Variants in RHPN2 observed in about 807,000 individuals in gnomAD.
RHPN2 encodes rhophilin-2.
Under a neutral mutation model 79.0 loss-of-function variants are expected in RHPN2, and 40 were observed. The observed-to-expected ratio is 0.51, with a 90% CI of 0.39 to 0.66. The LOEUF is 0.66. RHPN2 is among the 30% of genes least tolerant of loss of function. The pLI, the probability that RHPN2 is intolerant of heterozygous loss-of-function variation, is 0.00. For synonymous variants in RHPN2, 285 were observed against 363.5 expected (o/e 0.78, Z 2.46); for missense variants, 686 against 883.5 (o/e 0.78, Z 2.83).
intron 2 of RHPN2, among the ~76,000 whole-genome samples, chr19:33,029,676 C>T (rs1485022982): frequency 1.3e-5 from 2 of 152,124 alleles, no homozygotes; most frequent in African/African-American, 4.8e-5. Context: ...AGCAGGTTGA[C>T]ATCCATAGGT....
In RHPN2 at chr19:33,004,970, C is replaced by G. The variant is rs1971778452; in HGVS notation, c.761-1970G>C. On this transcript the variant is annotated intron_variant, in intron 7 of 14. Coordinates refer to ENST00000254260, the MANE Select transcript of RHPN2 (RefSeq NM_033103.5). Reference sequence around the variant, plus strand: ...GAAACCAGCCTGCTCCCCACAACTCCTGTGTCACCTGGGACAAAATTCCAT... The same window carrying G: ...GAAACCAGCCTGCTCCCCACAACTCGTGTGTCACCTGGGACAAAATTCCAT... Among the ~76,000 whole-genome samples, 2 of 151,680 alleles carry G rather than the reference C, an allele frequency of 1.3e-5. 1 individual carries two copies. Among genetic ancestry groups the G allele is most frequent in the South Asian group, 4.2e-4 (2 of 4,814 alleles).
intron 4 of RHPN2, among the ~76,000 whole-genome samples, chr19:33,019,814 A>G (rs1971908624): frequency 6.6e-6 from 1 of 152,128 alleles, no homozygotes; most frequent in African/African-American, 2.4e-5. Context: ...ATTTCTTCAA[A>G]GCAATTTTCA....
chr19:32,991,456 C>G (rs1971659185), intron 13 of RHPN2: 1 of 304,392 alleles, frequency 3.3e-6, no homozygotes, highest in Non-Finnish European at 6.4e-6. Context: ...GAGACTGCGT[C>G]TCAAAAAACA....
At chr19:32,995,619 G>A (rs1971694145) in intron 11 of RHPN2, among the ~76,000 whole-genome samples, 1 of 152,072 alleles carries the variant, frequency 6.6e-6, no homozygotes, top group South Asian at 2.1e-4. Context: ...AGCACTTTGG[G>A]AGGCCAAGGC....
At chr19:33,012,856 T>C in intron 4 of RHPN2, 132 bp from the exon 5 acceptor site, 1 of 651,656 alleles carries the variant, frequency 1.5e-6, no homozygotes, top group Non-Finnish European at 2.8e-6. Flanking sequence ...ATTTTCAAAG[T>C]GGGGGAATTT....
intron 7 of RHPN2, 81 bp from the exon 8 acceptor site, chr19:33,003,081 G>A (rs763324788): frequency 7.0e-6 from 9 of 1,280,886 alleles, no homozygotes; most frequent in Admixed American, 1.9e-5. Flanking sequence ...ATAGGAGGCC[G>A]AGTGCGGTGG....
At chr19:33,034,156 C>G (rs1489820535) in intron 2 of RHPN2, among the ~76,000 whole-genome samples, 1 of 151,362 alleles carries the variant, frequency 6.6e-6, no homozygotes, top group Non-Finnish European at 1.5e-5. Context: ...TCGCGCCCGG[C>G]CTGGCAACAA....
chr19:32,999,896 G>A (rs769455567), intron 9 of RHPN2, among the ~76,000 whole-genome samples, 191 bp from the exon 10 acceptor site: 1 of 151,956 alleles, frequency 6.6e-6, no homozygotes, highest in Non-Finnish European at 1.5e-5. Context: ...TCTTTGAGAC[G>A]GTCTCACTCT....
chr19:33,002,586 G>A (rs1235054093), intron 8 of RHPN2, among the ~76,000 whole-genome samples, 183 bp from the exon 9 acceptor site: 1 of 152,166 alleles, frequency 6.6e-6, no homozygotes, highest in East Asian at 1.9e-4. Flanking sequence ...GGGGGATCAG[G>A]CTGCTGTCAT....
chr19:32,983,312 A>G (rs1292323891), intron 14 of RHPN2, among the ~76,000 whole-genome samples: 1 of 151,970 alleles, frequency 6.6e-6, no homozygotes, highest in Non-Finnish European at 1.5e-5. Flanking sequence ...GGAGATTGAG[A>G]CCATCGGGGC....
At chr19:33,025,842 C>A (rs1170299914) in intron 3 of RHPN2, among the ~76,000 whole-genome samples, 2 of 152,208 alleles carry the variant, frequency 1.3e-5, no homozygotes, top group Non-Finnish European at 2.9e-5. Context: ...AATAACATAT[C>A]TTGCTAATGT....
intron 4 of RHPN2, among the ~76,000 whole-genome samples, chr19:33,019,534 A>T (rs1407535087): frequency 6.6e-6 from 1 of 151,972 alleles, no homozygotes; most frequent in Non-Finnish European, 1.5e-5. Flanking sequence ...AGCCGAGATC[A>T]CGCCATTGCA....
chr19:33,050,834 A>G (rs912562516), intron 1 of RHPN2, among the ~76,000 whole-genome samples: 1 of 151,966 alleles, frequency 6.6e-6, no homozygotes, highest in Non-Finnish European at 1.5e-5. Context: ...ACCCGCCACC[A>G]CACCCGGCTA....
intron 2 of RHPN2, among the ~76,000 whole-genome samples, chr19:33,029,677 A>G (rs1445968611): frequency 6.6e-6 from 1 of 152,230 alleles, no homozygotes; most frequent in Non-Finnish European, 1.5e-5. Context: ...GCAGGTTGAC[A>G]TCCATAGGTA....
intron 14 of RHPN2, among the ~76,000 whole-genome samples, chr19:32,986,336 G>T (rs1391228335): frequency 6.6e-6 from 1 of 152,206 alleles, no homozygotes; most frequent in African/African-American, 2.4e-5. Flanking sequence ...TCAGTGTGTG[G>T]CTTGGCTCTT....
chr19:33,029,674 G>C (rs1971995732), intron 2 of RHPN2, among the ~76,000 whole-genome samples: 1 of 152,182 alleles, frequency 6.6e-6, no homozygotes, highest in Non-Finnish European at 1.5e-5. Context: ...AAAGCAGGTT[G>C]ACATCCATAG....
intron 8 of RHPN2, 146 bp from the exon 9 acceptor site, chr19:33,002,549 C>G: frequency 2.0e-6 from 2 of 1,000,374 alleles, no homozygotes; most frequent in South Asian, 2.7e-5. Context: ...CAAGAGACCC[C>G]TCGTTCTGTC....
At chr19:33,048,724 T>TAAAAAA (rs1824354572) in intron 1 of RHPN2, among the ~76,000 whole-genome samples, 1 of 30,718 alleles carries the variant, frequency 3.3e-5, no homozygotes, top group Non-Finnish European at 4.2e-5. Context: ...AGACTCAGTC[T>TAAAAAA]CAAAAAAAAA....
intron 4 of RHPN2, among the ~76,000 whole-genome samples, chr19:33,019,404 AC>A (rs1305315344): frequency 1.3e-5 from 2 of 151,428 alleles, no homozygotes; most frequent in African/African-American, 2.4e-5. Context: ...ACATGGAGAA[AC>A]CCCGTCTCTG....
Sources: gnomAD v4.1 joint callset for allele counts (sites outside exome capture counted in the v4.1 genomes callset) on GRCh38, gnomAD v4.1.1 for gene constraint, MANE v1.5 for transcripts, NCBI Gene and HGNC (gene_info 2026-07-23, HGNC 2026-07-21) for gene names.